The following FBXO16 variants were observed in gnomAD, a reference collection of about 807,000 sequenced individuals.
FBXO16 encodes F-box only protein 16.
In FBXO16, 31 loss-of-function variants were observed where a neutral mutation model predicts 41.0. That is an observed-to-expected ratio of 0.76 (90% confidence interval 0.57 to 1.02). The LOEUF (loss-of-function observed/expected upper bound fraction) is 1.02, where lower values mean the gene tolerates loss of function less well. FBXO16 is among the 50% of genes least tolerant of loss of function. FBXO16 has a pLI of 0.00. For missense variants in FBXO16, 361 were observed against 346.2 expected, an observed-to-expected ratio of 1.04 and a Z score of -0.34; for synonymous variants, 133 against 117.8, an observed-to-expected ratio of 1.13 and a Z score of -0.84.
intron 1 of FBXO16, among the ~76,000 whole-genome samples, chr8:28,489,713 CAACAAAAAAAAAAA>C (rs1221430217): frequency 1.0e-5 from 1 of 96,106 alleles, no homozygotes; most frequent in African/African-American, 3.0e-5. Context: ...AAACAAAAAC[CAACAAAAAAAAAAA>C]AACCCTTGTA....
chr8:28,462,839 CT>C (rs1563365225), intron 4 of FBXO16, among the ~76,000 whole-genome samples: 1 of 152,200 alleles, frequency 6.6e-6, no homozygotes, highest in African/African-American at 2.4e-5. Context: ...GTCTCATTCT[CT>C]TTTGTACATA....
At chr8:28,463,383 TG>T (rs1365872622) in intron 4 of FBXO16, among the ~76,000 whole-genome samples, 1 of 139,628 alleles carries the variant, frequency 7.2e-6, no homozygotes, top group Non-Finnish European at 1.6e-5. Flanking sequence ...TGTGTGTTTG[TG>T]TGTTTGTGTT....
At chr8:28,440,388 T>C (rs2130095016) in intron 7 of FBXO16, among the ~76,000 whole-genome samples, 1 of 152,284 alleles carries the variant, frequency 6.6e-6, no homozygotes, top group South Asian at 2.1e-4. Context: ...TCCCAGCCAC[T>C]GGACCCACCA....
intron 7 of FBXO16, among the ~76,000 whole-genome samples, chr8:28,431,741 T>C (rs1161036290): frequency 6.6e-6 from 1 of 152,230 alleles, no homozygotes; most frequent in Non-Finnish European, 1.5e-5. Context: ...TCTGTGAGAA[T>C]CTTCCCTAAA....
chr8:28,470,193 T>TAA (rs879275561), intron 3 of FBXO16, among the ~76,000 whole-genome samples: 1 of 144,324 alleles, frequency 6.9e-6, no homozygotes, highest in African/African-American at 2.5e-5. Flanking sequence ...GACTCCGTCT[T>TAA]AAAAAAAAAA....
intron 7 of FBXO16, among the ~76,000 whole-genome samples, chr8:28,438,450 C>G (rs1585891617): frequency 6.6e-6 from 1 of 152,178 alleles, no homozygotes; most frequent in Non-Finnish European, 1.5e-5. Context: ...CCAGGGCCTC[C>G]CACCAATGCC....
At chr8:28,477,766 C>T (rs1803446100) in intron 2 of FBXO16, among the ~76,000 whole-genome samples, 1 of 152,128 alleles carries the variant, frequency 6.6e-6, no homozygotes, top group South Asian at 2.1e-4. Flanking sequence ...TGGTGGTTGA[C>T]ACCTGTAATC....
intron 8 of FBXO16, 114 bp from the exon 9 acceptor site, chr8:28,428,850 T>C: frequency 8.3e-7 from 1 of 1,208,114 alleles, no homozygotes; most frequent in South Asian, 1.7e-5. Context: ...TAGGGCTGGA[T>C]GGGATTTATT....
chr8:28,453,261 A>AT (rs1802985359), intron 5 of FBXO16, among the ~76,000 whole-genome samples: 1 of 149,362 alleles, frequency 6.7e-6, no homozygotes, highest in Admixed American at 6.6e-5. Context: ...AAGCCCACAC[A>AT]TAAGACCTCC....
chr8:28,463,782 G>A lies in FBXO16; in HGVS notation c.172C>T (p.Leu58Phe), dbSNP rs1803186446. Residue 58 changes from leucine to phenylalanine, a missense_variant, in exon 4 of 9, where the codon CTC becomes TTC. Leu to Phe is a conservative substitution (Grantham distance 22). Transcript: ENST00000380254. ...GAGCAGCGCTCCAACAGGCCTGTGA[G>A]GATTCTTCTTCTTTGAGAGTCTGTC... is the stretch of plus-strand genomic sequence containing the variant. ...KWTDSQRRRI[L>F]TGLLERCSLS... is the part of the protein sequence containing the mutation. 3 of 1,614,024 alleles carry A rather than the reference G, an allele frequency of 1.9e-6. No homozygotes were observed. The highest frequency in any genetic ancestry group is 2.5e-6 in the Non-Finnish European group (3 of 1,179,948).
intron 1 of FBXO16, among the ~76,000 whole-genome samples, chr8:28,487,305 CCTCCATTCCAGAAGA>C (rs1359680689): frequency 6.6e-6 from 1 of 151,932 alleles, no homozygotes; most frequent in Non-Finnish European, 1.5e-5. Context: ...TTTCCTCCTT[CCTCCATTCCAGAAGA>C]CAGGCAGCGT....
chr8:28,439,580 A>T (rs1253725905), intron 7 of FBXO16, among the ~76,000 whole-genome samples: 1 of 151,964 alleles, frequency 6.6e-6, no homozygotes, highest in African/African-American at 2.4e-5. Context: ...TCTACAAAAA[A>T]TACCCCCAAA....
At chr8:28,444,306 T>C (rs1405401691) in intron 7 of FBXO16, among the ~76,000 whole-genome samples, 13 of 147,494 alleles carry the variant, frequency 8.8e-5, no homozygotes, top group African/African-American at 2.7e-4. Flanking sequence ...TTTCTTCTTT[T>C]TTTTTTTTTT....
intron 7 of FBXO16, among the ~76,000 whole-genome samples, chr8:28,435,375 T>C (rs887906183): frequency 3.9e-5 from 6 of 152,032 alleles, no homozygotes; most frequent in South Asian, 2.1e-4. Flanking sequence ...GGTTTCACCA[T>C]GTTGGCCAGG....
intron 6 of FBXO16, among the ~76,000 whole-genome samples, chr8:28,449,315 CTTTT>C (rs59021779): frequency 3.2e-5 from 3 of 94,808 alleles, no homozygotes; most frequent in Non-Finnish European, 4.0e-5. Flanking sequence ...ATGTAGACTT[CTTTT>C]TTTTTTTTTT....
intron 6 of FBXO16, among the ~76,000 whole-genome samples, chr8:28,451,380 G>GTTTTT (rs67171132): frequency 2.2e-5 from 3 of 138,700 alleles, no homozygotes; most frequent in Non-Finnish European, 3.2e-5. Context: ...CTTTGTTGTT[G>GTTTTT]TTTTTTTTTT....
rs192655281 is a variant in FBXO16 at position 28,464,003 on chromosome 8, T to C, written c.136-185A>G. On this transcript the variant is annotated intron_variant, in intron 3 of 8. Coordinates refer to ENST00000380254, the MANE Select transcript of FBXO16 (RefSeq NM_172366.4). ...CTTCTCTCACATTTATATGGGAGCATGTGCATGACCTAAGTGCGCACACAG... is the reference window on the plus strand; with the variant it reads ...CTTCTCTCACATTTATATGGGAGCACGTGCATGACCTAAGTGCGCACACAG... 2.0e-5 allele frequency among the ~76,000 whole-genome samples: 3 copies of C among 152,344 alleles called. No homozygotes were observed. In the East Asian group the frequency reaches 5.8e-4, roughly 29 times the overall value.
At chr8:28,486,196 T>C (rs1368019769) in intron 1 of FBXO16, among the ~76,000 whole-genome samples, 1 of 151,698 alleles carries the variant, frequency 6.6e-6, no homozygotes, top group Non-Finnish European at 1.5e-5. Context: ...TTTGTTGTTG[T>C]TATTTATTTA....
chr8:28,486,204 T>C (rs1297753624), intron 1 of FBXO16, among the ~76,000 whole-genome samples: 1 of 151,498 alleles, frequency 6.6e-6, no homozygotes, highest in Non-Finnish European at 1.5e-5. Context: ...TGTTATTTAT[T>C]TATTTTCTAC....
Sources: allele counts gnomAD v4.1 joint callset (sites outside exome capture counted in the v4.1 genomes callset), GRCh38; gene constraint gnomAD v4.1.1; transcripts MANE v1.5; gene names NCBI Gene and HGNC (gene_info 2026-07-23, HGNC 2026-07-21).